Variants in TBC1D5 observed in about 807,000 individuals in gnomAD.
TBC1D5 encodes the protein TBC1 domain family member 5.
A neutral mutation model predicts 100.3 loss-of-function variants in TBC1D5; 75 were observed. That is an observed-to-expected ratio of 0.75 (90% confidence interval 0.62 to 0.91). The LOEUF is 0.91. Among genes scored for constraint, TBC1D5 ranks in the 40% least tolerant of loss-of-function variants. The pLI, the probability that TBC1D5 is intolerant of heterozygous loss-of-function variation, is 0.00. For synonymous variants in TBC1D5, 323 were observed against 325.6 expected, an observed-to-expected ratio of 0.99 and a Z score of 0.09; for missense variants, 910 against 942.4, an observed-to-expected ratio of 0.97 and a Z score of 0.45.
intron 15 of TBC1D5, among the ~76,000 whole-genome samples, chr3:17,263,483 GCCAA>G (rs985196397): frequency 8.6e-5 from 13 of 151,952 alleles, no homozygotes; most frequent in African/African-American, 2.7e-4. Context: ...CCTTTCCTAG[GCCAA>G]CCAGGATGGG....
chr3:17,556,431 A>G (rs1401570004), intron 2 of TBC1D5, among the ~76,000 whole-genome samples: 1 of 152,126 alleles, frequency 6.6e-6, no homozygotes, highest in African/African-American at 2.4e-5. Flanking sequence ...TCACTACTCA[A>G]TCTAGGCTCT....
intron 3 of TBC1D5, among the ~76,000 whole-genome samples, chr3:17,490,630 G>A (rs185837974): frequency 1.1e-3 from 162 of 152,058 alleles, no homozygotes; most frequent in Non-Finnish European, 3.1e-4. Flanking sequence ...TTGTAGTTGT[G>A]CAGTCTTATA....
intron 2 of TBC1D5, among the ~76,000 whole-genome samples, chr3:17,570,159 A>G (rs746111819): frequency 6.6e-6 from 1 of 151,968 alleles, no homozygotes; most frequent in Non-Finnish European, 1.5e-5. Context: ...CCTTATCCCA[A>G]GTTCCATCCA....
At chr3:17,374,539 C>T in exon 12 of TBC1D5, 1 of 1,611,156 alleles carries the variant, frequency 6.2e-7, no homozygotes. Flanking sequence ...GAGAACACTG[C>T]ACTAAAAATA....
intron 15 of TBC1D5, among the ~76,000 whole-genome samples, chr3:17,280,017 G>A (rs1032043775): frequency 1.3e-5 from 2 of 152,190 alleles, no homozygotes; most frequent in African/African-American, 2.4e-5. Context: ...TTAGTTGGAG[G>A]TAATTAGTCA....
intron 1 of TBC1D5, among the ~76,000 whole-genome samples, chr3:17,670,992 C>T (rs2067870799): frequency 6.6e-6 from 1 of 152,160 alleles, no homozygotes; most frequent in South Asian, 2.1e-4. Flanking sequence ...AAGTGACAAC[C>T]AGCACTACCA....
chr3:17,357,272 C>G (rs1044332938), intron 13 of TBC1D5, among the ~76,000 whole-genome samples: 3 of 152,130 alleles, frequency 2.0e-5, no homozygotes, highest in Non-Finnish European at 4.4e-5. Context: ...CCAATCTGGG[C>G]AGCAATGCAA....
At chr3:17,450,628 G>T (rs942529738) in intron 3 of TBC1D5, among the ~76,000 whole-genome samples, 1 of 152,036 alleles carries the variant, frequency 6.6e-6, no homozygotes, top group African/African-American at 2.4e-5. Flanking sequence ...TGGAAGAAAG[G>T]ATATCAGAGA....
At chr3:17,628,092 G>C (rs983865075) in intron 1 of TBC1D5, among the ~76,000 whole-genome samples, 1 of 151,890 alleles carries the variant, frequency 6.6e-6, no homozygotes, top group South Asian at 2.1e-4. Context: ...CACTCCGCCG[G>C]GTGTGGTGGC....
intron 19 of TBC1D5, among the ~76,000 whole-genome samples, chr3:17,180,549 G>C (rs896793113): frequency 2.0e-5 from 3 of 152,120 alleles, no homozygotes; most frequent in Non-Finnish European, 4.4e-5. Flanking sequence ...TGGATGACTG[G>C]ATAAAGAAAA....
chr3:17,497,926 G>A (rs987991084), intron 3 of TBC1D5, among the ~76,000 whole-genome samples: 5 of 151,736 alleles, frequency 3.3e-5, no homozygotes, highest in Non-Finnish European at 7.4e-5. Flanking sequence ...GTTAAGTTCA[G>A]GAAAAACAAA....
At chr3:17,228,183 T>A (rs754034249) in intron 17 of TBC1D5, among the ~76,000 whole-genome samples, 10 of 152,180 alleles carry the variant, frequency 6.6e-5, no homozygotes, top group Middle Eastern at 3.4e-3. Flanking sequence ...TTGAGAGATG[T>A]TTACAGGGTA....
intron 1 of TBC1D5, chr3:17,663,198 ATTTT>A (rs1007738221): frequency 2.6e-5 from 4 of 152,166 alleles, no homozygotes; most frequent in African/African-American, 9.7e-5. Flanking sequence ...TTTATTAGGT[ATTTT>A]TTAAGTTTTA....
At chr3:17,592,525 A>G (rs1177579344) in intron 2 of TBC1D5, among the ~76,000 whole-genome samples, 1 of 152,224 alleles carries the variant, frequency 6.6e-6, no homozygotes, top group African/African-American at 2.4e-5. Context: ...AAGAGGCACA[A>G]CACCTAGTGG....
At chr3:17,167,075 AAT>A (rs2125126090) in intron 20 of TBC1D5, 147 bp from the exon 22 acceptor site, 1 of 868,448 alleles carries the variant, frequency 1.2e-6, no homozygotes, top group Admixed American at 3.5e-5. Context: ...AGAAACAAAT[AAT>A]GAGAAAAAAA....
At chr3:17,654,957 T>G (rs2065915311) in intron 1 of TBC1D5, among the ~76,000 whole-genome samples, 1 of 151,984 alleles carries the variant, frequency 6.6e-6, no homozygotes, top group Non-Finnish European at 1.5e-5. Flanking sequence ...TAGAGGTGTT[T>G]GTAGTATTCT....
chr3:17,658,580 A>G (rs2066333251), intron 1 of TBC1D5, among the ~76,000 whole-genome samples: 1 of 152,228 alleles, frequency 6.6e-6, no homozygotes, highest in African/African-American at 2.4e-5. Context: ...CAATCTGTTC[A>G]GAATTATTAA....
At chr3:17,668,887 G>A (rs1013101005) in intron 1 of TBC1D5, among the ~76,000 whole-genome samples, 2 of 152,108 alleles carry the variant, frequency 1.3e-5, no homozygotes, top group African/African-American at 4.8e-5. Flanking sequence ...GAGTGTGGAG[G>A]CAGTCAGATC....
intron 13 of TBC1D5, among the ~76,000 whole-genome samples, chr3:17,315,725 A>G (rs1446121155): frequency 6.6e-6 from 1 of 152,216 alleles, no homozygotes; most frequent in Non-Finnish European, 1.5e-5. Context: ...AGACCCCCCA[A>G]ATGAGAATAA....
Sources: allele counts gnomAD v4.1 joint callset (sites outside exome capture counted in the v4.1 genomes callset), GRCh38; gene constraint gnomAD v4.1.1; transcripts MANE v1.5; gene names NCBI Gene and HGNC (gene_info 2026-07-23, HGNC 2026-07-21).